Variants in TMEM132D observed in about 807,000 individuals in gnomAD.
TMEM132D encodes mature OL transmembrane protein.
Under a neutral mutation model 62.3 loss-of-function variants are expected in TMEM132D, and 21 were observed. The observed-to-expected ratio is 0.34, with a 90% CI of 0.24 to 0.49. The LOEUF (loss-of-function observed/expected upper bound fraction) is 0.49. TMEM132D is among the 20% of genes least tolerant of loss of function. The pLI, the probability that TMEM132D is intolerant of heterozygous loss-of-function variation, is 0.99. For missense variants in TMEM132D, 1,346 were observed against 1,402.8 expected (o/e 0.96, Z 0.65); for synonymous variants, 621 against 575.6 (o/e 1.08, Z -1.13).
At chr12:129,182,960 G>C (rs1878109079) in intron 5 of TMEM132D, among the ~76,000 whole-genome samples, 1 of 152,196 alleles carries the variant, frequency 6.6e-6, no homozygotes, top group Admixed American at 6.5e-5. Flanking sequence ...GGTTACAACA[G>C]GTGTGGCAGG....
chr12:129,130,025 G>GTC lies in TMEM132D; in HGVS notation c.1444-45324_1444-45323insGA, dbSNP rs1418782919. On this transcript the variant is annotated intron_variant, in intron 5 of 8. Coordinates refer to ENST00000422113, the MANE Select transcript of TMEM132D (RefSeq NM_133448.3). ...AATCAAAGCTCTGCTCTGTGTGTGT[G>GTC]TGTGTGTGTGTGTGTGTGTGTGTGT... Among the ~76,000 whole-genome samples, 286 of 150,884 alleles carry GTC rather than the reference G, an allele frequency of 1.9e-3. 1 individual carries two copies. The highest frequency in any genetic ancestry group is 6.5e-3 in the African/African-American group (267 of 41,100).
intron 1 of TMEM132D, among the ~76,000 whole-genome samples, chr12:129,833,774 C>T (rs891278848): frequency 2.6e-5 from 4 of 152,256 alleles, no homozygotes; most frequent in African/African-American, 7.2e-5. Context: ...GCTTCCACTC[C>T]TCTGCCCATG....
At chr12:129,083,721 A>T in intron 6 of TMEM132D, among the ~76,000 whole-genome samples, 1 of 152,324 alleles carries the variant, frequency 6.6e-6, no homozygotes, top group South Asian at 2.1e-4. Context: ...TCCTTGTCTC[A>T]TAATGCATAT....
chr12:129,706,358 C>CA (rs947096803), intron 1 of TMEM132D, among the ~76,000 whole-genome samples: 14 of 151,446 alleles, frequency 9.2e-5, no homozygotes, highest in East Asian at 5.8e-4. Context: ...AACTTTAATA[C>CA]AAAAAAAGTA....
At chr12:129,549,097 C>T (rs1876818398) in intron 2 of TMEM132D, among the ~76,000 whole-genome samples, 3 of 151,764 alleles carry the variant, frequency 2.0e-5, no homozygotes, top group African/African-American at 7.3e-5. Context: ...ATTGTAGCTC[C>T]CATAATTTCC....
chr12:129,179,410 G>C (rs1878004766), intron 5 of TMEM132D, among the ~76,000 whole-genome samples: 1 of 152,044 alleles, frequency 6.6e-6, no homozygotes, highest in Non-Finnish European at 1.5e-5. Flanking sequence ...TCCCCAGTTT[G>C]GGAGCCAAGA....
chr12:129,138,743 T>G (rs1035608468), intron 5 of TMEM132D, among the ~76,000 whole-genome samples: 5 of 152,176 alleles, frequency 3.3e-5, no homozygotes, highest in African/African-American at 7.2e-5. Flanking sequence ...GGCTAGAACT[T>G]TTTTGATCTT....
chr12:129,492,803 G>A (rs1874839141), intron 3 of TMEM132D, among the ~76,000 whole-genome samples: 1 of 152,126 alleles, frequency 6.6e-6, no homozygotes, highest in Non-Finnish European at 1.5e-5. Context: ...GTCTACCCAT[G>A]AACAAAGCAC....
intron 4 of TMEM132D, among the ~76,000 whole-genome samples, chr12:129,213,860 G>T (rs562024613): frequency 4.4e-4 from 67 of 152,294 alleles, no homozygotes; most frequent in Non-Finnish European, 6.0e-4. Flanking sequence ...CATGAGGTTT[G>T]GGGGAACAGA....
In TMEM132D at chr12:129,170,756, C is replaced by T. The variant is rs572882920; in HGVS notation, c.1443+38764G>A. On this transcript the variant is annotated intron_variant, in intron 5 of 8. Coordinates refer to ENST00000422113, the MANE Select transcript of TMEM132D (RefSeq NM_133448.3). The stretch of plus-strand genomic sequence containing the variant: ...AGGAGAATTGCTTGAACCTGGGAGC[C>T]GAGATTGCACCACTGCCCTCCAGCC... Among the ~76,000 whole-genome samples the T allele has an allele frequency of 8.6e-5, 13 of 151,736 alleles. No individual in the cohort carries two copies. In the South Asian group the frequency reaches 1.9e-3, roughly 22 times the overall value.
At chr12:129,174,232 C>T (rs1056311769) in intron 5 of TMEM132D, among the ~76,000 whole-genome samples, 3 of 152,134 alleles carry the variant, frequency 2.0e-5, no homozygotes, top group Admixed American at 6.5e-5. Context: ...TCCCCTTGCC[C>T]CCCACCCCTC....
At chr12:129,891,461 C>T (rs1182526850) in intron 1 of TMEM132D, among the ~76,000 whole-genome samples, 1 of 152,162 alleles carries the variant, frequency 6.6e-6, no homozygotes, top group Non-Finnish European at 1.5e-5. Flanking sequence ...GAGGAAATGC[C>T]GTTGGGTGCG....
intron 1 of TMEM132D, among the ~76,000 whole-genome samples, chr12:129,787,019 A>G (rs2137295507): frequency 6.6e-6 from 1 of 152,288 alleles, no homozygotes; most frequent in East Asian, 1.9e-4. Context: ...CTGTGAGGCC[A>G]CCAGGATCCC....
intron 3 of TMEM132D, among the ~76,000 whole-genome samples, chr12:129,481,175 C>T (rs1229319560): frequency 6.8e-6 from 1 of 147,988 alleles, no homozygotes; most frequent in South Asian, 2.2e-4. Context: ...GTTTAACATA[C>T]AAAAAAAAAG....
At chr12:129,490,596 A>ATTTTTTTTTTTTTTTTTTTTT (rs35535325) in intron 3 of TMEM132D, among the ~76,000 whole-genome samples, 3 of 71,110 alleles carry the variant, frequency 4.2e-5, no homozygotes, top group African/African-American at 1.6e-4. Context: ...CGCCCGGCTA[A>ATTTTTTTTTTTTTTTTTTTTT]TTTTTTTTTT....
At chr12:129,194,819 T>G (rs1015804446) in intron 5 of TMEM132D, among the ~76,000 whole-genome samples, 3 of 152,182 alleles carry the variant, frequency 2.0e-5, no homozygotes, top group Admixed American at 1.3e-4. Flanking sequence ...TTTCTATGTT[T>G]TTTTCTACTG....
intron 4 of TMEM132D, among the ~76,000 whole-genome samples, chr12:129,293,249 G>A (rs908999781): frequency 1.3e-5 from 2 of 152,200 alleles, no homozygotes; most frequent in East Asian, 1.9e-4. Context: ...TGTAGGTGGG[G>A]TGAAAGAGGT....
At chr12:129,536,695 C>T (rs1876399746) in intron 2 of TMEM132D, among the ~76,000 whole-genome samples, 1 of 152,164 alleles carries the variant, frequency 6.6e-6, no homozygotes, top group African/African-American at 2.4e-5. Context: ...GACACTAGGT[C>T]CCTCTTTCTA....
Position 129,474,226 on chromosome 12 carries a change from A to G in TMEM132D, c.1115+56833T>C, listed in dbSNP as rs182597365. ...CAGGAGTCTCCAAAACCACAGTAAT[A>G]TTTTTACTATTAATAAAGATGTATG... On this transcript the variant is annotated intron_variant, in intron 3 of 8. Transcript: ENST00000422113. 6.2e-3 allele frequency among the ~76,000 whole-genome samples: 943 copies of G among 152,254 alleles called. 10 individuals are homozygous for G. Among genetic ancestry groups the G allele is most frequent in the African/African-American group, 0.021 (865 of 41,542 alleles).
Sources: allele counts gnomAD v4.1 joint callset (sites outside exome capture counted in the v4.1 genomes callset), GRCh38; gene constraint gnomAD v4.1.1; transcripts MANE v1.5; gene names NCBI Gene and HGNC (gene_info 2026-07-23, HGNC 2026-07-21).